The following EPHA5 variants were observed in gnomAD, a reference collection of about 807,000 sequenced individuals.
EPHA5 encodes the protein EPH receptor A5, also known as ephrin type-A receptor 5.
Under a neutral mutation model 105.0 loss-of-function variants are expected in EPHA5, and 60 were observed. The ratio of observed to expected loss-of-function variants is 0.57; its 90% CI spans 0.46 to 0.71. The LOEUF (loss-of-function observed/expected upper bound fraction) is 0.71, where lower values mean the gene tolerates loss of function less well. EPHA5 is among the 30% of genes least tolerant of loss of function. EPHA5 has a pLI of 0.00. For missense variants in EPHA5, 1,218 were observed against 1,274.7 expected, an observed-to-expected ratio of 0.96 and a Z score of 0.68; for synonymous variants, 513 against 449.1, an observed-to-expected ratio of 1.14 and a Z score of -1.80.
chr4:65,453,473 A>G (rs1727262044), intron 5 of EPHA5, among the ~76,000 whole-genome samples: 1 of 152,178 alleles, frequency 6.6e-6, no homozygotes, highest in African/African-American at 2.4e-5. Context: ...CAGTCTCCCA[A>G]TAAACAGAAA....
intron 3 of EPHA5, among the ~76,000 whole-genome samples, chr4:65,581,667 AG>A (rs1188778750): frequency 1.3e-5 from 2 of 151,804 alleles, no homozygotes; most frequent in African/African-American, 4.8e-5. Flanking sequence ...TTATCTTAAC[AG>A]TTACCAGGTT....
intron 8 of EPHA5, among the ~76,000 whole-genome samples, chr4:65,400,096 C>A (rs575270464): frequency 2.2e-4 from 34 of 152,160 alleles, no homozygotes; most frequent in Middle Eastern, 3.4e-3. Context: ...AAAACTTTCT[C>A]AAACATTTAA....
At chr4:65,602,825 TAAC>T (rs1422779645) in intron 2 of EPHA5, among the ~76,000 whole-genome samples, 1 of 152,088 alleles carries the variant, frequency 6.6e-6, no homozygotes, top group Non-Finnish European at 1.5e-5. Context: ...ATGTCACAAA[TAAC>T]ACACCAATGG....
At chr4:65,339,774 A>G (rs1721530453) in intron 14 of EPHA5, among the ~76,000 whole-genome samples, 2 of 152,108 alleles carry the variant, frequency 1.3e-5, no homozygotes, top group South Asian at 4.1e-4. Context: ...ATCCCTTTGC[A>G]GGACACACTC....
intron 8 of EPHA5, among the ~76,000 whole-genome samples, chr4:65,384,279 T>C (rs1719873119): frequency 6.6e-6 from 1 of 151,990 alleles, no homozygotes; most frequent in Non-Finnish European, 1.5e-5. Flanking sequence ...AATATTTCTG[T>C]GTTCATTTAA....
intron 16 of EPHA5, chr4:65,331,208 A>G: frequency 9.7e-7 from 1 of 1,029,496 alleles, no homozygotes; most frequent in Non-Finnish European, 1.2e-6. Context: ...TGTTAATGTA[A>G]TCTAGATGGA....
intron 2 of EPHA5, among the ~76,000 whole-genome samples, chr4:65,623,544 G>A (rs1745886337): frequency 6.6e-6 from 1 of 152,150 alleles, no homozygotes; most frequent in South Asian, 2.1e-4. Context: ...TCAGGTTTGT[G>A]ATAAGTGCTA....
At chr4:65,376,010 C>T (rs1466175443) in intron 8 of EPHA5, among the ~76,000 whole-genome samples, 1 of 151,070 alleles carries the variant, frequency 6.6e-6, no homozygotes, top group African/African-American at 2.5e-5. Context: ...TTACATCATC[C>T]TGTGTTTGTT....
chr4:65,351,928 C>T (rs189917070), intron 12 of EPHA5, among the ~76,000 whole-genome samples: 2 of 152,048 alleles, frequency 1.3e-5, no homozygotes, highest in Non-Finnish European at 1.5e-5. Flanking sequence ...GGGTCAACAC[C>T]GTACTATTTT....
intron 14 of EPHA5, among the ~76,000 whole-genome samples, chr4:65,342,630 T>C (rs10000019): frequency 0.01 from 1,580 of 151,758 alleles, 26 homozygotes; most frequent in African/African-American, 0.036. Flanking sequence ...ATATGAGCAA[T>C]ATACATAAAC....
intron 5 of EPHA5, among the ~76,000 whole-genome samples, chr4:65,476,324 A>G (rs185993451): frequency 2.6e-5 from 4 of 152,242 alleles, no homozygotes; most frequent in Non-Finnish European, 5.9e-5. Context: ...CACAAAATTT[A>G]TCTCTAGAAT....
intron 11 of EPHA5, among the ~76,000 whole-genome samples, chr4:65,353,821 G>A (rs922689640): frequency 1.3e-5 from 2 of 151,386 alleles, no homozygotes; most frequent in Non-Finnish European, 2.9e-5. Context: ...TCCTCTCTCT[G>A]CTACACACTT....
chr4:65,372,379 C>A (rs981628988), intron 8 of EPHA5, among the ~76,000 whole-genome samples: 1 of 151,894 alleles, frequency 6.6e-6, no homozygotes, highest in East Asian at 1.9e-4. Flanking sequence ...GTTTTATGAG[C>A]CAGTATTCTT....
intron 5 of EPHA5, among the ~76,000 whole-genome samples, chr4:65,425,067 T>A (rs751811261): frequency 5.3e-5 from 8 of 152,134 alleles, no homozygotes; most frequent in South Asian, 4.1e-4. Context: ...TAAAACTCCA[T>A]GCATTTGATT....
At chr4:65,353,138 C>A in intron 11 of EPHA5, 35 bp from the exon 12 acceptor site, 1 of 1,399,866 alleles carries the variant, frequency 7.1e-7, no homozygotes, top group East Asian at 2.8e-5. Context: ...ACCTGCTGCT[C>A]TTCGATTTTG....
At chr4:65,420,614 AG>A in intron 5 of EPHA5, 49 bp from the exon 6 acceptor site, 1 of 1,574,868 alleles carries the variant, frequency 6.3e-7, no homozygotes, top group Non-Finnish European at 8.6e-7. Context: ...AGGCCCTAAA[AG>A]TAAACCTGTT....
chr4:65,554,045 G>T (rs1249920556), intron 3 of EPHA5, among the ~76,000 whole-genome samples: 2 of 151,192 alleles, frequency 1.3e-5, no homozygotes, highest in African/African-American at 2.4e-5. Context: ...TGGTATAAAA[G>T]AAAAATTACT....
At chr4:65,590,600 G>A (rs182633921) in intron 3 of EPHA5, among the ~76,000 whole-genome samples, 112 of 152,190 alleles carry the variant, frequency 7.4e-4, no homozygotes, top group African/African-American at 2.6e-3. Flanking sequence ...GGCAATAATT[G>A]TACAATTTCC....
chr4:65,429,087 A>T, intron 5 of EPHA5, among the ~76,000 whole-genome samples: 1 of 152,040 alleles, frequency 6.6e-6, no homozygotes, highest in East Asian at 1.9e-4. Flanking sequence ...GAAGAGTCCT[A>T]AGTGTCAATG....
Sources: allele counts gnomAD v4.1 joint callset (sites outside exome capture counted in the v4.1 genomes callset), GRCh38; gene constraint gnomAD v4.1.1; transcripts MANE v1.5; gene names NCBI Gene and HGNC (gene_info 2026-07-23, HGNC 2026-07-21).